The following SHROOM3 variants were observed in gnomAD, a reference collection of about 807,000 sequenced individuals.
SHROOM3 encodes the protein shroom family member 3, also known as protein Shroom3.
A neutral mutation model predicts 138.6 loss-of-function variants in SHROOM3; 47 were observed. That is an observed-to-expected ratio of 0.34 (90% CI 0.27 to 0.43). SHROOM3 has a LOEUF of 0.43. Among genes scored for constraint, SHROOM3 ranks in the 20% least tolerant of loss-of-function variants. SHROOM3 has a pLI of 1.00. For synonymous variants in SHROOM3, 1,062 were observed against 1,063.3 expected, an observed-to-expected ratio of 1.00 and a Z score of 0.02; for missense variants, 2,491 against 2,596.5, an observed-to-expected ratio of 0.96 and a Z score of 0.88.
intron 1 of SHROOM3, among the ~76,000 whole-genome samples, chr4:76,550,874 C>T (rs1380788404): frequency 1.3e-5 from 2 of 151,620 alleles, no homozygotes; most frequent in African/African-American, 4.8e-5. Flanking sequence ...TGGCACATGC[C>T]TGTGATCCCA....
chr4:76,753,662 TAC>T (rs1260814028), intron 6 of SHROOM3, among the ~76,000 whole-genome samples: 1 of 152,230 alleles, frequency 6.6e-6, no homozygotes, highest in African/African-American at 2.4e-5. Flanking sequence ...GAGTCTAGCG[TAC>T]AGTTGTTTAA....
At chr4:76,524,578 C>T (rs1159557990) in intron 1 of SHROOM3, among the ~76,000 whole-genome samples, 2 of 152,184 alleles carry the variant, frequency 1.3e-5, no homozygotes, top group Non-Finnish European at 2.9e-5. Flanking sequence ...AGGGTTTCTC[C>T]CTGCTGCATC....
At chr4:76,674,173 C>G (rs1248982075) in intron 2 of SHROOM3, among the ~76,000 whole-genome samples, 3 of 152,064 alleles carry the variant, frequency 2.0e-5, no homozygotes, top group Admixed American at 2.0e-4. Context: ...CATGCCCAGC[C>G]TTACTGTTGT....
chr4:76,680,867 G>A (rs1209280533), intron 2 of SHROOM3, among the ~76,000 whole-genome samples: 1 of 152,194 alleles, frequency 6.6e-6, no homozygotes, highest in Non-Finnish European at 1.5e-5. Flanking sequence ...TGTCTCAACT[G>A]AAATGGGATT....
chr4:76,775,321 G>GGTGTGTGTGTGTGTGT lies in SHROOM3; in HGVS notation c.5623-3481_5623-3466dup, dbSNP rs57294282. 4.0e-3 allele frequency among the ~76,000 whole-genome samples: 590 copies of GGTGTGTGTGTGTGTGT among 149,198 alleles called. 7 individuals carry two copies. Among genetic ancestry groups the GGTGTGTGTGTGTGTGT allele is most frequent in the African/African-American group, 0.014 (549 of 40,586 alleles). On this transcript the variant is annotated intron_variant, in intron 10 of 10. Coordinates refer to ENST00000296043, the MANE Select transcript of SHROOM3 (RefSeq NM_020859.4). The stretch of plus-strand genomic sequence containing the variant: ...TTTATGGCTGAGTAGTAGTCCATGG[G>GGTGTGTGTGTGTGTGT]GTGTGTGTGTGTGTGTGTGTGTAAA...
intron 1 of SHROOM3, among the ~76,000 whole-genome samples, chr4:76,463,536 G>T (rs1731185177): frequency 6.6e-6 from 1 of 152,238 alleles, no homozygotes; most frequent in Non-Finnish European, 1.5e-5. Flanking sequence ...ATGGAAATTT[G>T]CATAAGTAAG....
At chr4:76,543,803 G>GA (rs1389695498) in intron 1 of SHROOM3, among the ~76,000 whole-genome samples, 1 of 152,018 alleles carries the variant, frequency 6.6e-6, no homozygotes, top group Non-Finnish European at 1.5e-5. Context: ...AGAACTCAAT[G>GA]AAAAAAAGCA....
chr4:76,701,001 T>C (rs2110112706), intron 2 of SHROOM3, among the ~76,000 whole-genome samples: 1 of 152,264 alleles, frequency 6.6e-6, no homozygotes, highest in East Asian at 1.9e-4. Flanking sequence ...ACCAGGTTGG[T>C]CTCAAACTCC....
At chr4:76,463,530 A>C (rs1423048360) in intron 1 of SHROOM3, among the ~76,000 whole-genome samples, 1 of 152,252 alleles carries the variant, frequency 6.6e-6, no homozygotes, top group Non-Finnish European at 1.5e-5. Flanking sequence ...CCAGCTATGG[A>C]AATTTGCATA....
intron 2 of SHROOM3, among the ~76,000 whole-genome samples, chr4:76,667,991 A>AAAAAAAAAAAAAC: frequency 7.0e-6 from 1 of 142,526 alleles, no homozygotes; most frequent in Non-Finnish European, 1.5e-5. Flanking sequence ...AAAAAAAAAA[A>AAAAAAAAAAAAAC]AGTTGTTCTG....
At chr4:76,451,113 C>G (rs1390085494) in intron 1 of SHROOM3, among the ~76,000 whole-genome samples, 1 of 152,122 alleles carries the variant, frequency 6.6e-6, no homozygotes, top group East Asian at 1.9e-4. Flanking sequence ...CCATGCCTGG[C>G]TAATTTTTGT....
At chr4:76,748,814 C>CT (rs34047499) in intron 5 of SHROOM3, among the ~76,000 whole-genome samples, 24,974 of 100,170 alleles carry the variant, frequency 0.25, 3,978 homozygotes, top group African/African-American at 0.41. Context: ...TCTGACTCTG[C>CT]TTTTTTTTTT....
intron 2 of SHROOM3, among the ~76,000 whole-genome samples, chr4:76,680,241 C>T (rs768896736): frequency 2.0e-5 from 3 of 151,642 alleles, no homozygotes; most frequent in Non-Finnish European, 2.9e-5. Context: ...CCTGGGTTCA[C>T]GCCATTCTCC....
chr4:76,495,855 G>GC (rs1731956551), intron 1 of SHROOM3, among the ~76,000 whole-genome samples: 2 of 152,188 alleles, frequency 1.3e-5, no homozygotes, highest in South Asian at 4.1e-4. Flanking sequence ...GCACTCAGCA[G>GC]CCTGGGGTAT....
intron 1 of SHROOM3, among the ~76,000 whole-genome samples, chr4:76,555,148 G>A (rs528829689): frequency 3.9e-5 from 6 of 152,006 alleles, no homozygotes; most frequent in East Asian, 1.9e-4. Flanking sequence ...TAAATGCAAC[G>A]CACTTGAACC....
At chr4:76,586,671 G>A (rs1734160921) in intron 2 of SHROOM3, among the ~76,000 whole-genome samples, 2 of 152,204 alleles carry the variant, frequency 1.3e-5, no homozygotes, top group South Asian at 4.1e-4. Flanking sequence ...TGTACATGGG[G>A]AGGAGAGAGC....
chr4:76,765,747 A>C (rs1373231040), intron 9 of SHROOM3, among the ~76,000 whole-genome samples: 1 of 152,168 alleles, frequency 6.6e-6, no homozygotes, highest in African/African-American at 2.4e-5. Flanking sequence ...CTGCACAAAA[A>C]ATATAATTAG....
chr4:76,682,457 T>A (rs1156621327), intron 2 of SHROOM3, among the ~76,000 whole-genome samples: 1 of 152,144 alleles, frequency 6.6e-6, no homozygotes, highest in Non-Finnish European at 1.5e-5. Flanking sequence ...CACTCCACCA[T>A]CCTTAGCACA....
intron 2 of SHROOM3, among the ~76,000 whole-genome samples, chr4:76,654,098 G>A (rs940374948): frequency 7.9e-5 from 12 of 152,316 alleles, no homozygotes; most frequent in South Asian, 2.1e-4. Context: ...AGCTGGAGGC[G>A]TCAAGAAAAG....
Sources: gnomAD v4.1 joint callset for allele counts (sites outside exome capture counted in the v4.1 genomes callset) on GRCh38, gnomAD v4.1.1 for gene constraint, MANE v1.5 for transcripts, NCBI Gene and HGNC (gene_info 2026-07-23, HGNC 2026-07-21) for gene names.